ZNF728: variants seen among roughly 807,000 people sequenced by gnomAD.
ZNF728 encodes the protein zinc finger protein 728.
In ZNF728, 12 loss-of-function variants were observed where a neutral mutation model predicts 12.5. The ratio of observed to expected loss-of-function variants is 0.96; its 90% CI spans 0.61 to 1.55. The LOEUF (loss-of-function observed/expected upper bound fraction) is 1.55, where lower values mean the gene tolerates loss of function less well. Among genes scored for constraint, ZNF728 ranks in the 40% most tolerant of loss-of-function variants. The probability of loss-of-function intolerance (pLI) is 0.00; values close to 1 mark genes in which losing one functional copy is unlikely to be tolerated. For synonymous variants in ZNF728, 205 were observed against 240.7 expected, an observed-to-expected ratio of 0.85 and a Z score of 1.37; for missense variants, 692 against 719.2, an observed-to-expected ratio of 0.96 and a Z score of 0.43.
Position 22,975,456 on chromosome 19 carries a change from T to C in ZNF728, c.*12A>G, listed in dbSNP as rs1262725359. 1 of 1,531,434 alleles carries C rather than the reference T, an allele frequency of 6.5e-7. No individual in the cohort carries two copies. The highest frequency in any genetic ancestry group is 8.8e-7 in the Non-Finnish European group (1 of 1,142,406). 94.9% of individuals were successfully genotyped at this position (1,531,434 alleles called of 1,614,324 possible). ...AAGGGTTAAGAACTAATTGAAAGCTTTGCCACATTTTTCACATTTGTAGGG... is the reference window on the plus strand; with the variant it reads ...AAGGGTTAAGAACTAATTGAAAGCTCTGCCACATTTTTCACATTTGTAGGG... On this transcript the variant is annotated 3_prime_UTR_variant, in exon 4 of 4. Transcript: ENST00000594710.
intron 1 of ZNF728, chr19:22,995,129 T>C (rs1264909211): frequency 6.6e-6 from 1 of 152,294 alleles, no homozygotes; most frequent in East Asian, 1.9e-4. Context: ...TGAGTCCAGA[T>C]AGAGATAGCT....
At chr19:22,978,503 C>CTCTG (rs1418530478) in intron 3 of ZNF728, among the ~76,000 whole-genome samples, 1 of 152,212 alleles carries the variant, frequency 6.6e-6, no homozygotes, top group African/African-American at 2.4e-5. Flanking sequence ...AGCGTTTGAG[C>CTCTG]TCTGCTAAGG....
Position 22,975,964 on chromosome 19 carries a change from C to T in ZNF728, c.1373G>A (p.Gly458Asp), listed in dbSNP as rs1441721033. The T allele has an allele frequency of 6.2e-7, 1 of 1,612,844 alleles. No individual in the cohort carries two copies. The highest frequency in any genetic ancestry group is 8.5e-7 in the Non-Finnish European group (1 of 1,179,874). ...GEKHYKCEEC[G>D]KVFSWSSSLT... The stretch of plus-strand genomic sequence containing the variant: ...GCTTGAGGACCAGCTGAAGACTTTG[C>T]CACATTCTTCACATTTGTAGTGTTT... Residue 458 changes from glycine (G) to aspartate (D), a missense_variant, in exon 4 of 4, where the codon GGC becomes GAC. Transcript: ENST00000594710.
At chr19:23,000,744 T>C (rs1220392900) in intron 1 of ZNF728, among the ~76,000 whole-genome samples, 1 of 151,738 alleles carries the variant, frequency 6.6e-6, no homozygotes, top group Non-Finnish European at 1.5e-5. Context: ...GGTGGGCACC[T>C]GTAGTCCCAC....
rs1423079224 is a variant in ZNF728 at position 22,976,131 on chromosome 19, G to C, written c.1206C>G (p.Gly402=). 1.9e-6 allele frequency: 3 copies of C among 1,612,810 alleles called. No individual in the cohort carries two copies. Among genetic ancestry groups the C allele is most frequent in the Admixed American group, 3.3e-5 (2 of 59,886 alleles). ...GTGTTGAGGACCACTTAAAGGTTTTGCCACATTCTTCACATTTGTAAGGTT... is the reference window on the plus strand; with the variant it reads ...GTGTTGAGGACCACTTAAAGGTTTTCCCACATTCTTCACATTTGTAAGGTT... ...GDKPYKCEEC[G]KTFKWSSTLT... The change falls in exon 4 of 4, where the codon GGC becomes GGG. Residue 402 remains glycine (G), a synonymous_variant. Transcript: ENST00000594710.
chr19:22,986,059 C>A (rs1968913141), intron 3 of ZNF728, among the ~76,000 whole-genome samples: 1 of 152,312 alleles, frequency 6.6e-6, no homozygotes, highest in Non-Finnish European at 1.5e-5. Flanking sequence ...TAGTGCAGAG[C>A]CAGCAGCCTT....
At chr19:22,992,919 A>G (rs902291650) in intron 1 of ZNF728, among the ~76,000 whole-genome samples, 2 of 152,204 alleles carry the variant, frequency 1.3e-5, no homozygotes, top group Non-Finnish European at 2.9e-5. Flanking sequence ...GATTCTAAAT[A>G]AAAAATGGAA....
In ZNF728 at chr19:22,984,544, C is replaced by T. The variant is rs546853742; in HGVS notation, c.226+2764G>A. Among the ~76,000 whole-genome samples the T allele has an allele frequency of 1.1e-3, 126 of 119,518 alleles. 2 individuals are homozygous for T. In the Admixed American group the frequency reaches 0.012, roughly 11 times the overall value. 78.4% of individuals were successfully genotyped at this position (119,518 alleles called of 152,430 possible). On this transcript the variant is annotated intron_variant, in intron 3 of 3. Coordinates refer to ENST00000594710, the MANE Select transcript of ZNF728 (RefSeq NM_001267716.2). ...GCTACACTCCAGCCTGGAGATAGAG[C>T]GAGACTCCATCTCAAAAAAAAAAAA...
At chr19:22,989,393 T>TC (rs1289813988) in intron 1 of ZNF728, among the ~76,000 whole-genome samples, 2 of 152,106 alleles carry the variant, frequency 1.3e-5, no homozygotes, top group Non-Finnish European at 2.9e-5. Context: ...CATCTTCATT[T>TC]CCCAAAAACA....
chr19:22,992,032 A>G (rs1968993733), intron 1 of ZNF728, among the ~76,000 whole-genome samples: 1 of 152,232 alleles, frequency 6.6e-6, no homozygotes, highest in South Asian at 2.1e-4. Flanking sequence ...GCAGGGTAAA[A>G]TAAATACAAA....
chr19:22,997,728 TAAA>T (rs112287289), intron 1 of ZNF728, among the ~76,000 whole-genome samples: 14 of 135,246 alleles, frequency 1.0e-4, no homozygotes, highest in African/African-American at 2.1e-4. Context: ...TAAATCTATT[TAAA>T]AAAAAAAAAA....
At chr19:23,002,151 A>C (rs571950998) in intron 1 of ZNF728, among the ~76,000 whole-genome samples, 1 of 152,216 alleles carries the variant, frequency 6.6e-6, no homozygotes, top group Non-Finnish European at 1.5e-5. Flanking sequence ...CCCCATCGCT[A>C]TTAAAAATAC....
intron 3 of ZNF728, among the ~76,000 whole-genome samples, chr19:22,977,817 T>A (rs1968822614): frequency 1.3e-5 from 2 of 152,196 alleles, no homozygotes; most frequent in African/African-American, 4.8e-5. Flanking sequence ...ATATTATAAA[T>A]TTTTAAATGT....
intron 3 of ZNF728, among the ~76,000 whole-genome samples, chr19:22,982,249 T>G (rs1281791520): frequency 6.6e-6 from 1 of 152,216 alleles, no homozygotes; most frequent in Non-Finnish European, 1.5e-5. Context: ...AAATCATGAC[T>G]GAGCTCCCAT....
At chr19:22,977,721 CAGACA>C (rs1968821567) in intron 3 of ZNF728, among the ~76,000 whole-genome samples, 1 of 152,114 alleles carries the variant, frequency 6.6e-6, no homozygotes, top group Non-Finnish European at 1.5e-5. Flanking sequence ...CACAAAATTT[CAGACA>C]AGACAAATCT....
intron 3 of ZNF728, among the ~76,000 whole-genome samples, chr19:22,983,770 T>C (rs1235245742): frequency 6.6e-6 from 1 of 151,838 alleles, no homozygotes; most frequent in Non-Finnish European, 1.5e-5. Flanking sequence ...AAAATCAAAC[T>C]AGCATGTTGT....
intron 2 of ZNF728, among the ~76,000 whole-genome samples, chr19:22,987,721 T>C (rs1968933089): frequency 6.7e-6 from 1 of 149,646 alleles, no homozygotes; most frequent in East Asian, 1.9e-4. Flanking sequence ...AGAATGTGGT[T>C]AAGTTAAGGT....
At chr19:22,988,231 C>T (rs1462468156) in intron 2 of ZNF728, 94 bp downstream of exon 2, 119 of 1,590,912 alleles carry the variant, frequency 7.5e-5, no homozygotes, top group Non-Finnish European at 9.9e-5. Flanking sequence ...GCCTTTATTC[C>T]TGCATTCATC....
At chr19:22,985,257 G>C (rs1437848416) in intron 3 of ZNF728, among the ~76,000 whole-genome samples, 1 of 152,138 alleles carries the variant, frequency 6.6e-6, no homozygotes, top group East Asian at 1.9e-4. Context: ...CTTAGAAGCA[G>C]ATAAAAAGAA....
Sources: gnomAD v4.1 joint callset for allele counts (sites outside exome capture counted in the v4.1 genomes callset) on GRCh38, gnomAD v4.1.1 for gene constraint, MANE v1.5 for transcripts, NCBI Gene and HGNC (gene_info 2026-07-23, HGNC 2026-07-21) for gene names.